RALYL: variants seen among roughly 807,000 people sequenced by gnomAD.
RALYL encodes RALY RNA binding protein like, also known as RNA-binding Raly-like protein.
A neutral mutation model predicts 35.1 loss-of-function variants in RALYL; 29 were observed. The observed-to-expected ratio is 0.83, with a 90% CI of 0.61 to 1.13. The LOEUF is 1.13. RALYL is among the 50% of genes most tolerant of loss of function. The pLI is 0.00. For synonymous variants in RALYL, 120 were observed against 127.6 expected (o/e 0.94, Z 0.40); for missense variants, 359 against 360.4 (o/e 1.00, Z 0.03).
intron 1 of RALYL, among the ~76,000 whole-genome samples, chr8:84,265,569 G>T (rs1235344175): frequency 6.6e-6 from 1 of 152,006 alleles, no homozygotes; most frequent in Non-Finnish European, 1.5e-5. Flanking sequence ...GGAAAGTGGT[G>T]CTTCTCTAGA....
intron 2 of RALYL, among the ~76,000 whole-genome samples, chr8:84,668,845 A>G (rs1397052213): frequency 6.6e-6 from 1 of 152,154 alleles, no homozygotes; most frequent in Non-Finnish European, 1.5e-5. Context: ...TAAAAATCAC[A>G]AAACATAAAG....
intron 2 of RALYL, among the ~76,000 whole-genome samples, chr8:84,732,668 T>TTATATATATATATGTATATATA (rs1554553643): frequency 7.5e-6 from 1 of 132,494 alleles, no homozygotes; most frequent in African/African-American, 3.2e-5. Flanking sequence ...TATTAAATAA[T>TTATATATATATATGTATATATA]TATATATATA....
chr8:84,577,746 TTAGAG>T (rs1447913986), intron 2 of RALYL, among the ~76,000 whole-genome samples: 2 of 152,054 alleles, frequency 1.3e-5, no homozygotes, highest in African/African-American at 2.4e-5. Flanking sequence ...GGGGCAGAGA[TTAGAG>T]TAAATACATT....
At chr8:84,440,921 T>C (rs191664505) in intron 1 of RALYL, among the ~76,000 whole-genome samples, 129 of 152,106 alleles carry the variant, frequency 8.5e-4, no homozygotes, top group African/African-American at 2.8e-3. Flanking sequence ...TAAGTGTATG[T>C]TTAATAATAT....
rs2135019896 is a variant in RALYL, at chr8:84,860,159, C to T, written c.414-2137C>T. Among the ~76,000 whole-genome samples, 3 of 152,234 alleles carry T rather than the reference C, an allele frequency of 2.0e-5. 1 individual carries two copies. In the Middle Eastern group the frequency reaches 0.01, roughly 518 times the overall value. Reference sequence around the variant, plus strand: ...ATAAAAGTAGTATTAAATTACATTGCAATTAAAGTAGCAGTGAATATAGTG... The same window carrying T: ...ATAAAAGTAGTATTAAATTACATTGTAATTAAAGTAGCAGTGAATATAGTG... On this transcript the variant is annotated intron_variant, in intron 5 of 8. Coordinates refer to ENST00000521268, the MANE Select transcript of RALYL (RefSeq NM_173848.7).
chr8:84,461,751 T>C (rs1439838623), intron 1 of RALYL, among the ~76,000 whole-genome samples: 1 of 151,746 alleles, frequency 6.6e-6, no homozygotes, highest in Non-Finnish European at 1.5e-5. Flanking sequence ...TTTTTTGAAA[T>C]AGCCTTCAAT....
intron 1 of RALYL, among the ~76,000 whole-genome samples, chr8:84,244,634 T>G (rs1014057250): frequency 3.3e-5 from 5 of 152,198 alleles, no homozygotes; most frequent in Non-Finnish European, 7.4e-5. Context: ...TTCCAGGTCT[T>G]AGTTGTCTTT....
At chr8:84,223,209 C>CCTTCCCTTCCCTTCCCT (rs1554578639) in intron 1 of RALYL, among the ~76,000 whole-genome samples, 2 of 88,894 alleles carry the variant, frequency 2.2e-5, no homozygotes, top group East Asian at 4.2e-4. Flanking sequence ...CCTTCCATTC[C>CCTTCCCTTCCCTTCCCT]TCCCTTCCCT....
chr8:84,338,012 A>G (rs1848133570), intron 1 of RALYL, among the ~76,000 whole-genome samples: 1 of 151,978 alleles, frequency 6.6e-6, no homozygotes, highest in Non-Finnish European at 1.5e-5. Context: ...AAAAACTAAG[A>G]CTGTACATTG....
intron 4 of RALYL, among the ~76,000 whole-genome samples, chr8:84,832,341 T>A (rs1036017623): frequency 1.3e-5 from 2 of 152,148 alleles, no homozygotes; most frequent in African/African-American, 2.4e-5. Context: ...GACCTCTTTC[T>A]GGTTTACTTT....
intron 1 of RALYL, among the ~76,000 whole-genome samples, chr8:84,503,808 A>G (rs980674555): frequency 6.6e-6 from 1 of 151,566 alleles, no homozygotes; most frequent in Admixed American, 6.6e-5. Flanking sequence ...GCTTGAGTGC[A>G]GTGAGCCAAG....
intron 1 of RALYL, among the ~76,000 whole-genome samples, chr8:84,477,639 T>G (rs2053579832): frequency 6.6e-6 from 1 of 151,258 alleles, no homozygotes; most frequent in African/African-American, 2.4e-5. Flanking sequence ...GACCTCCAGT[T>G]CCCTCTCATA....
At chr8:84,338,083 T>C (rs1848149672) in intron 1 of RALYL, among the ~76,000 whole-genome samples, 1 of 152,074 alleles carries the variant, frequency 6.6e-6, no homozygotes, top group Non-Finnish European at 1.5e-5. Context: ...TAAAGTGTCT[T>C]AATGTGAAAT....
chr8:84,368,057 T>A (rs1222595727), intron 1 of RALYL, among the ~76,000 whole-genome samples: 1 of 152,190 alleles, frequency 6.6e-6, no homozygotes, highest in Non-Finnish European at 1.5e-5. Context: ...CCACTGTACT[T>A]CAACAAGTCT....
intron 2 of RALYL, among the ~76,000 whole-genome samples, chr8:84,636,405 G>A (rs1426234847): frequency 6.6e-6 from 1 of 151,754 alleles, no homozygotes; most frequent in Admixed American, 6.6e-5. Flanking sequence ...CTTCCTGTGA[G>A]AGATGGAATG....
At chr8:84,611,056 G>T (rs1818201811) in intron 2 of RALYL, among the ~76,000 whole-genome samples, 1 of 152,074 alleles carries the variant, frequency 6.6e-6, no homozygotes, top group Non-Finnish European at 1.5e-5. Flanking sequence ...AGGCATGCTT[G>T]TTTCTACTGC....
At chr8:84,663,997 G>A (rs1431741788) in intron 2 of RALYL, among the ~76,000 whole-genome samples, 3 of 152,120 alleles carry the variant, frequency 2.0e-5, no homozygotes, top group Non-Finnish European at 4.4e-5. Context: ...TTCGTGTATG[G>A]TGTAAGGAAG....
intron 3 of RALYL, among the ~76,000 whole-genome samples, chr8:84,789,715 G>A (rs868755890): frequency 1.8e-4 from 28 of 152,012 alleles, no homozygotes; most frequent in African/African-American, 6.0e-4. Context: ...AAAATTAGTC[G>A]GGTGTGGTCA....
intron 2 of RALYL, among the ~76,000 whole-genome samples, chr8:84,655,269 C>G (rs1177601964): frequency 6.6e-6 from 1 of 151,670 alleles, no homozygotes; most frequent in Non-Finnish European, 1.5e-5. Context: ...AGATCTTTTG[C>G]CCCTTTTTAA....
Sources: allele counts gnomAD v4.1 joint callset (sites outside exome capture counted in the v4.1 genomes callset), GRCh38; gene constraint gnomAD v4.1.1; transcripts MANE v1.5; gene names NCBI Gene and HGNC (gene_info 2026-07-23, HGNC 2026-07-21).